The following MEMO1 variants were observed in gnomAD, a reference collection of about 807,000 sequenced individuals.
MEMO1 encodes the protein mediator of cell motility 1.
Under a neutral mutation model 45.2 loss-of-function variants are expected in MEMO1, and 6 were observed. The ratio of observed to expected loss-of-function variants is 0.13; its 90% CI spans 0.07 to 0.26. The LOEUF (loss-of-function observed/expected upper bound fraction) is 0.26. Among genes scored for constraint, MEMO1 ranks in the 10% least tolerant of loss-of-function variants. The probability of loss-of-function intolerance (pLI) is 1.00; values close to 1 mark genes in which losing one functional copy is unlikely to be tolerated. For missense variants in MEMO1, 184 were observed against 370.5 expected, an observed-to-expected ratio of 0.50 and a Z score of 4.13; for synonymous variants, 78 against 124.3, an observed-to-expected ratio of 0.63 and a Z score of 2.48.
chr2:31,896,310 G>C (rs1572601847), intron 6 of MEMO1, among the ~76,000 whole-genome samples: 1 of 152,060 alleles, frequency 6.6e-6, no homozygotes, highest in South Asian at 2.1e-4. Context: ...ATTAAAATTG[G>C]ATCCTAGAAC....
intron 2 of MEMO1, among the ~76,000 whole-genome samples, chr2:31,998,939 T>C (rs1490697697): frequency 6.6e-6 from 1 of 152,164 alleles, no homozygotes; most frequent in African/African-American, 2.4e-5. Flanking sequence ...AATAACAAAA[T>C]TGAGCTCCTA....
rs76850690 is a variant in MEMO1 at position 31,869,954 on chromosome 2, TAAAA to T, written c.658-6_658-3del. 1.3e-4 allele frequency: 156 copies of T among 1,170,158 alleles called. No individual in the cohort carries two copies. Among genetic ancestry groups the T allele is most frequent in the South Asian group, 5.9e-4 (26 of 44,140 alleles). The allele number at this position is 1,170,158 out of a possible 1,614,324, so 72.5% of individuals were successfully genotyped here. A position where few individuals can be genotyped will look rare whatever the true frequency, so the allele number is the denominator to read the frequency against. ...TAATTGTTCTATAATACTCATACCC[TAAAA>T]AAAAAAAAAAAGAAGAGGAAGAAAA... On this transcript the variant is annotated splice_region_variant and splice_polypyrimidine_tract_variant and intron_variant, in intron 8 of 9. Transcript: ENST00000404530.
chr2:31,928,522 G>C (rs1280708740), intron 4 of MEMO1, among the ~76,000 whole-genome samples: 1 of 145,220 alleles, frequency 6.9e-6, no homozygotes, highest in East Asian at 2.0e-4. Flanking sequence ...ACTCCAGCCT[G>C]GGTGACAAAG....
At chr2:31,925,624 T>A (rs1466843633) in intron 4 of MEMO1, among the ~76,000 whole-genome samples, 1 of 152,120 alleles carries the variant, frequency 6.6e-6, no homozygotes, top group Non-Finnish European at 1.5e-5. Context: ...CAAGACCCTA[T>A]GCAGCAGTCC....
intron 2 of MEMO1, among the ~76,000 whole-genome samples, chr2:31,995,486 T>G (rs112965547): frequency 3.3e-5 from 5 of 152,128 alleles, no homozygotes; most frequent in Middle Eastern, 6.8e-3. Context: ...AAATGGAATA[T>G]AGAGATGAAA....
intron 6 of MEMO1, among the ~76,000 whole-genome samples, chr2:31,910,801 A>C (rs1680451638): frequency 6.6e-6 from 1 of 152,190 alleles, no homozygotes; most frequent in African/African-American, 2.4e-5. Context: ...TGGAAGTGGC[A>C]GTAAGCCAAG....
chr2:31,968,667 C>G (rs1668914814), intron 2 of MEMO1, among the ~76,000 whole-genome samples: 1 of 152,172 alleles, frequency 6.6e-6, no homozygotes, highest in Non-Finnish European at 1.5e-5. Flanking sequence ...CAGTCCATAT[C>G]CTTGCATTCC....
intron 2 of MEMO1, among the ~76,000 whole-genome samples, chr2:31,967,284 C>A (rs528686492): frequency 6.6e-6 from 1 of 151,870 alleles, no homozygotes; most frequent in Non-Finnish European, 1.5e-5. Context: ...CCACCACGCC[C>A]GGCTAATTTT....
At chr2:31,954,661 C>T (rs1195730764) in intron 2 of MEMO1, among the ~76,000 whole-genome samples, 7 of 151,794 alleles carry the variant, frequency 4.6e-5, no homozygotes, top group South Asian at 2.1e-4. Flanking sequence ...GGTGAAACTC[C>T]GTCTCTACTA....
At chr2:31,944,879 G>C (rs1007172365) in intron 2 of MEMO1, among the ~76,000 whole-genome samples, 2 of 151,796 alleles carry the variant, frequency 1.3e-5, no homozygotes, top group African/African-American at 4.8e-5. Flanking sequence ...AAAGAATCTA[G>C]GTAATAATAT....
At chr2:31,997,086 A>G (rs1190395646) in intron 2 of MEMO1, among the ~76,000 whole-genome samples, 1 of 152,172 alleles carries the variant, frequency 6.6e-6, no homozygotes, top group Non-Finnish European at 1.5e-5. Flanking sequence ...ATCTCCAGAG[A>G]CTACTGTCTC....
chr2:31,978,993 C>G (rs1355093586), intron 2 of MEMO1, among the ~76,000 whole-genome samples: 1 of 152,062 alleles, frequency 6.6e-6, no homozygotes, highest in East Asian at 1.9e-4. Flanking sequence ...ATGTATTTCA[C>G]ACTGCTATAA....
At chr2:31,982,463 G>A (rs943532068) in intron 2 of MEMO1, among the ~76,000 whole-genome samples, 5 of 151,310 alleles carry the variant, frequency 3.3e-5, no homozygotes, top group African/African-American at 9.7e-5. Context: ...GGAGGTGAAC[G>A]CCTGTAATCC....
intron 2 of MEMO1, among the ~76,000 whole-genome samples, chr2:31,961,626 A>G (rs1394922925): frequency 1.3e-5 from 2 of 151,720 alleles, no homozygotes; most frequent in African/African-American, 4.8e-5. Context: ...AACAAAAAAA[A>G]AACTAGCTAG....
At chr2:31,901,008 T>C (rs1678704110) in intron 6 of MEMO1, among the ~76,000 whole-genome samples, 1 of 152,118 alleles carries the variant, frequency 6.6e-6, no homozygotes, top group South Asian at 2.1e-4. Flanking sequence ...ACTGGAAATG[T>C]TCAATAGTTT....
chr2:32,005,896 T>C (rs115115225), intron 2 of MEMO1, among the ~76,000 whole-genome samples: 2,421 of 152,152 alleles, frequency 0.016, 48 homozygotes, highest in African/African-American at 0.055. Context: ...AAAAACCACA[T>C]TGGGGAGGCA....
intron 4 of MEMO1, among the ~76,000 whole-genome samples, chr2:31,927,882 T>G (rs17011710): frequency 0.12 from 18,957 of 152,126 alleles, 1,288 homozygotes; most frequent in Middle Eastern, 0.22. Flanking sequence ...AACCACTGTA[T>G]TTCACTTTCA....
chr2:31,991,216 G>C (rs1319506668), intron 2 of MEMO1, among the ~76,000 whole-genome samples: 1 of 152,178 alleles, frequency 6.6e-6, no homozygotes, highest in Non-Finnish European at 1.5e-5. Flanking sequence ...TATAAGGGAA[G>C]GGGAACATGG....
At chr2:31,911,755 C>G (rs918605926) in intron 6 of MEMO1, among the ~76,000 whole-genome samples, 1 of 152,100 alleles carries the variant, frequency 6.6e-6, no homozygotes, top group African/African-American at 2.4e-5. Flanking sequence ...ATCCTCCCAC[C>G]TCAGCCTCCC....
Sources: gnomAD v4.1 joint callset for allele counts (sites outside exome capture counted in the v4.1 genomes callset) on GRCh38, gnomAD v4.1.1 for gene constraint, MANE v1.5 for transcripts, NCBI Gene and HGNC (gene_info 2026-07-23, HGNC 2026-07-21) for gene names.